Variants in VCF2 observed in about 807,000 individuals in gnomAD.
The protein encoded by VCF2 is VCP nuclear cofactor family member 2.
the VCF2 span, among the ~76,000 whole-genome samples, chrX:55,155,941 CTTTT>C: frequency 6.7e-4 from 34 of 50,500 alleles, no homozygotes; most frequent in African/African-American, 1.7e-3. Context: ...TCTTCTTCTT[CTTTT>C]TTTTTTTTTT....
At chrX:55,146,034 A>G in the VCF2 span, 1 of 1,179,792 alleles carries the variant, frequency 8.5e-7, no homozygotes, top group Admixed American at 2.4e-5. Context: ...GTGTGTATGC[A>G]ATTGCTTTTA....
the VCF2 span, among the ~76,000 whole-genome samples, chrX:55,150,293 A>G: frequency 8.9e-6 from 1 of 111,738 alleles, no homozygotes; most frequent in African/African-American, 3.3e-5. Context: ...CAATTTTTCC[A>G]CAGATGGGGG....
At chrX:55,157,176 T>C in the VCF2 span, among the ~76,000 whole-genome samples, 15 of 112,583 alleles carry the variant, frequency 1.3e-4, no homozygotes, top group South Asian at 4.7e-3. Flanking sequence ...AGAATTTATG[T>C]GATCAAACGT....
chrX:55,153,528 T>A, the VCF2 span, among the ~76,000 whole-genome samples: 2 of 108,189 alleles, frequency 1.8e-5, no homozygotes, highest in Non-Finnish European at 3.8e-5. Flanking sequence ...CTAATTTTTT[T>A]TTTTTTGTAT....
chrX:55,155,798 TGAGGA>T, the VCF2 span, among the ~76,000 whole-genome samples: 1 of 110,804 alleles, frequency 9.0e-6, no homozygotes, highest in Non-Finnish European at 1.9e-5. Context: ...TAAATAGAAC[TGAGGA>T]GATGAGGAGG....
At chrX:55,146,263 C>A in the VCF2 span, 2 of 1,211,618 alleles carry the variant, frequency 1.7e-6, no homozygotes, top group Non-Finnish European at 2.2e-6. Flanking sequence ...CTTGCTCTCT[C>A]TGGGATATTA....
chrX:55,152,805 A>C, the VCF2 span, among the ~76,000 whole-genome samples: 2 of 111,741 alleles, frequency 1.8e-5, no homozygotes, highest in Non-Finnish European at 3.8e-5. Flanking sequence ...CTTTACCCTA[A>C]AACAGTTCTG....
At chrX:55,147,634 G>GTTTTTTTTTTTT in the VCF2 span, among the ~76,000 whole-genome samples, 15 of 54,065 alleles carry the variant, frequency 2.8e-4, no homozygotes, top group East Asian at 6.9e-4. Context: ...GGCTTTCCTT[G>GTTTTTTTTTTTT]TTTTTTTTTT....
chrX:55,145,952 A>G, the VCF2 span: 1 of 1,082,160 alleles, frequency 9.2e-7, no homozygotes, highest in South Asian at 2.5e-5. Context: ...AGTGAAGTAA[A>G]ACCCCAATTA....
chrX:55,152,865 C>G, the VCF2 span, among the ~76,000 whole-genome samples: 1 of 111,853 alleles, frequency 8.9e-6, no homozygotes, highest in South Asian at 3.8e-4. Context: ...TCACAGGTGT[C>G]AGACAGAAAG....
At chrX:55,147,979 A>G in the VCF2 span, among the ~76,000 whole-genome samples, 1 of 111,441 alleles carries the variant, frequency 9.0e-6, no homozygotes, top group Non-Finnish European at 1.9e-5. Flanking sequence ...TTAAAAACAA[A>G]GAAGTATTTA....
the VCF2 span, among the ~76,000 whole-genome samples, chrX:55,152,623 C>G: frequency 9.0e-6 from 1 of 111,630 alleles, no homozygotes; most frequent in Non-Finnish European, 1.9e-5. Context: ...ATCATTAGGC[C>G]AAGGGAAAAT....
At chrX:55,148,206 A>C in the VCF2 span, among the ~76,000 whole-genome samples, 2 of 110,676 alleles carry the variant, frequency 1.8e-5, no homozygotes, top group Non-Finnish European at 3.8e-5. Context: ...GTAATAGAAA[A>C]AATGCCTGTA....
At chrX:55,159,257 T>C in the VCF2 span, 1 of 1,123,934 alleles carries the variant, frequency 8.9e-7, no homozygotes, top group Non-Finnish European at 1.2e-6. Context: ...GAGAGAGTTG[T>C]TACATGAAAC....
At chrX:55,153,352 T>A in the VCF2 span, among the ~76,000 whole-genome samples, 1 of 95,038 alleles carries the variant, frequency 1.1e-5, no homozygotes, top group East Asian at 3.5e-4. Context: ...TTTTTATTTA[T>A]TAATTTTTTT....
At chrX:55,144,515 T>C in the VCF2 span, among the ~76,000 whole-genome samples, 2 of 111,798 alleles carry the variant, frequency 1.8e-5, no homozygotes, top group African/African-American at 6.5e-5. Flanking sequence ...TGTAATTTTT[T>C]CCCCATAACA....
At chrX:55,148,271 T>C in the VCF2 span, among the ~76,000 whole-genome samples, 20 of 110,220 alleles carry the variant, frequency 1.8e-4, no homozygotes, top group African/African-American at 5.6e-4. Flanking sequence ...AAATAATAAA[T>C]ACTCATTAAA....
the VCF2 span, among the ~76,000 whole-genome samples, chrX:55,158,929 T>G: frequency 2.7e-5 from 3 of 111,885 alleles, no homozygotes; most frequent in Non-Finnish European, 5.7e-5. Context: ...TTTAGCAAAG[T>G]TTTTCTGTGC....
the VCF2 span, chrX:55,145,880 A>G: frequency 4.2e-6 from 4 of 953,543 alleles, no homozygotes; most frequent in Non-Finnish European, 5.3e-6. Flanking sequence ...TAGAAAGAGT[A>G]AAATAAAAAT....
Sources: allele counts gnomAD v4.1 joint callset (sites outside exome capture counted in the v4.1 genomes callset), GRCh38; gene constraint gnomAD v4.1.1; transcripts MANE v1.5; gene names NCBI Gene and HGNC (gene_info 2026-07-23, HGNC 2026-07-21).